Variants in MTRF1L observed in about 807,000 individuals in gnomAD.
MTRF1L encodes mitochondrial translation release factor 1 like, also known as peptide chain release factor 1-like, mitochondrial.
In MTRF1L, 29 loss-of-function variants were observed where a neutral mutation model predicts 40.0. That is an observed-to-expected ratio of 0.73 (90% CI 0.54 to 0.99). MTRF1L has a LOEUF of 0.99. MTRF1L is among the 50% of genes least tolerant of loss of function. The pLI, the probability that MTRF1L is intolerant of heterozygous loss-of-function variation, is 0.00. For synonymous variants in MTRF1L, 150 were observed against 175.8 expected (o/e 0.85, Z 1.16); for missense variants, 412 against 464.5 (o/e 0.89, Z 1.04).
At chr6:152,996,818 G>C (rs1394001544) in intron 2 of MTRF1L, among the ~76,000 whole-genome samples, 1 of 152,160 alleles carries the variant, frequency 6.6e-6, no homozygotes, top group African/African-American at 2.4e-5. Flanking sequence ...AATAGTGTCA[G>C]AGATGCAAAA....
chr6:153,001,468 C>T (rs1778914718), intron 1 of MTRF1L, among the ~76,000 whole-genome samples: 1 of 152,142 alleles, frequency 6.6e-6, no homozygotes, highest in African/African-American at 2.4e-5. Flanking sequence ...ATTTTTTCTC[C>T]TAGACTAGTA....
chr6:153,002,682 G>A lies in MTRF1L; in HGVS notation c.4C>T (p.Arg2Trp), dbSNP rs1176851669. 4.0e-6 allele frequency: 6 copies of A among 1,485,292 alleles called. No individual in the cohort carries two copies. In the South Asian group the frequency reaches 5.5e-5, roughly 14 times the overall value. 92.0% of individuals were successfully genotyped at this position (1,485,292 alleles called of 1,614,324 possible). Residue 2 changes from arginine to tryptophan, a missense_variant, in exon 1 of 7, where the codon CGG (arginine) becomes TGG (tryptophan). By Grantham distance (101) the Arg-to-Trp change is moderately radical. Coordinates refer to ENST00000367233, the MANE Select transcript of MTRF1L (RefSeq NM_019041.7). Reference sequence around the variant, plus strand: ...GCAGCGCCCCACAGAACCCGGGACCGCATCCTTAGTCCGAGATCGCGGACC... The same window carrying A: ...GCAGCGCCCCACAGAACCCGGGACCACATCCTTAGTCCGAGATCGCGGACC... Reference protein sequence around the residue: MRSRVLWGAARW... With the variant: MWSRVLWGAARW...
At chr6:152,993,728 A>T (rs745587353) in intron 4 of MTRF1L, among the ~76,000 whole-genome samples, 2 of 152,176 alleles carry the variant, frequency 1.3e-5, no homozygotes, top group Non-Finnish European at 2.9e-5. Flanking sequence ...GTTAAACATA[A>T]GTGACTAGGT....
chr6:152,993,038 G>A (rs767667504), intron 4 of MTRF1L, 64 bp from the exon 5 acceptor site: 29 of 1,233,260 alleles, frequency 2.4e-5, no homozygotes, highest in African/African-American at 4.5e-5. Context: ...AGGCAAGAGC[G>A]ACCCATTTAT....
At chr6:152,991,791 C>A (rs948274153) in intron 5 of MTRF1L, among the ~76,000 whole-genome samples, 2 of 152,126 alleles carry the variant, frequency 1.3e-5, no homozygotes, top group African/African-American at 4.8e-5. Flanking sequence ...CCTCGTGATC[C>A]GCCTGCCTTG....
At chr6:152,991,087 G>C in intron 6 of MTRF1L, 98 bp downstream of exon 6, 1 of 713,914 alleles carries the variant, frequency 1.4e-6, no homozygotes, top group Non-Finnish European at 2.1e-6. Context: ...TTCAACACAG[G>C]TTAAAACAAA....
rs187142891 is a variant in MTRF1L, at chr6:153,002,668, C to G, written c.18G>C (p.Leu6=). 3.1e-4 allele frequency: 462 copies of G among 1,499,508 alleles called. 1 individual carries two copies. The African/African-American group carries it at 6.1e-3, about 20-fold the overall frequency. 92.9% of individuals were successfully genotyped at this position (1,499,508 alleles called of 1,614,324 possible). The change falls in exon 1 of 7, where the codon CTG becomes CTC. Residue 6 remains leucine, a synonymous_variant. Transcript: ENST00000367233. ...GCCAGAGCCACCGGGCAGCGCCCCA[C>G]AGAACCCGGGACCGCATCCTTAGTC... The part of the protein sequence containing the change: MRSRV[L]WGAARWLWPR...
chr6:152,993,083 G>T (rs1239512012), intron 4 of MTRF1L, 109 bp from the exon 5 acceptor site: 2 of 828,700 alleles, frequency 2.4e-6, no homozygotes, highest in South Asian at 3.2e-5. Context: ...ATATATTTGG[G>T]AGGTTTAATT....
At position 152,988,524 on chromosome 6, in the gene MTRF1L, T is replaced by C; in HGVS notation, c.*1371A>G. 1 of 56,640 alleles carries C rather than the reference T, an allele frequency of 1.8e-5. No homozygotes were observed. Among genetic ancestry groups the C allele is most frequent in the Non-Finnish European group, 2.9e-5 (1 of 34,354 alleles). 3.5% of individuals were successfully genotyped at this position (56,640 alleles called of 1,614,324 possible). A position where few individuals can be genotyped will look rare whatever the true frequency, so the allele number is the denominator to read the frequency against. ...TAGCTACTGGGTCATACTTTTTTTT[T>C]TTTTTTTTTTGAGATTTAACTTTTG... On this transcript the variant is annotated 3_prime_UTR_variant, in exon 7 of 7. Transcript: ENST00000367233.
Position 152,989,894 on chromosome 6 carries a change from C to T in MTRF1L, c.*1G>A, listed in dbSNP as rs201908588. On this transcript the variant is annotated 3_prime_UTR_variant, in exon 7 of 7. Coordinates refer to ENST00000367233, the MANE Select transcript of MTRF1L (RefSeq NM_019041.7). ...CGAAAGTCTATAAATAACAAATCAA[C>T]TTAAACTTTTTGGGAAATAATTTCT... 4.4e-6 allele frequency: 7 copies of T among 1,608,622 alleles called. No homozygotes were observed. Among genetic ancestry groups the T allele is most frequent in the Non-Finnish European group, 4.2e-6 (5 of 1,178,550 alleles).
intron 1 of MTRF1L, among the ~76,000 whole-genome samples, chr6:153,000,584 G>A (rs577852902): frequency 2.0e-5 from 3 of 152,302 alleles, no homozygotes; most frequent in Admixed American, 6.5e-5. Flanking sequence ...CTATAAAGAT[G>A]TTTATGGTTT....
Position 153,002,505 on chromosome 6 carries a change from T to A in MTRF1L, c.181A>T (p.Arg61Trp), listed in dbSNP as rs766144763. The A allele has an allele frequency of 1.3e-5, 21 of 1,612,926 alleles. No homozygotes were observed. ...AGSEAHLKVR[R>W]PELLAVIKLL... ...TTGATCACCGCCAGCAACTCGGGCC[T>A]CCTGACCTTCAAATGGGCTTCAGAC... Residue 61 changes from arginine (R) to tryptophan (W), a missense_variant, in exon 1 of 7, where the codon AGG (arginine) becomes TGG (tryptophan). Transcript: ENST00000367233.
intron 1 of MTRF1L, among the ~76,000 whole-genome samples, chr6:152,999,851 T>C (rs2038334): frequency 0.22 from 32,919 of 152,082 alleles, 3,689 homozygotes; most frequent in Admixed American, 0.3. Flanking sequence ...TTATCAGCAG[T>C]GTGAAAACAG....
intron 1 of MTRF1L, among the ~76,000 whole-genome samples, chr6:153,000,196 T>C (rs1317240028): frequency 5.9e-5 from 9 of 152,140 alleles, no homozygotes; most frequent in African/African-American, 2.2e-4. Flanking sequence ...ATCTCTAAGG[T>C]GCCTTTCAGT....
intron 1 of MTRF1L, among the ~76,000 whole-genome samples, chr6:153,002,064 A>G (rs79534099): frequency 0.01 from 1,567 of 152,330 alleles, 19 homozygotes; most frequent in African/African-American, 0.035. Context: ...TAAGTCTGCT[A>G]TTAACAAGCA....
intron 5 of MTRF1L, 35 bp downstream of exon 5, chr6:152,992,822 C>A: frequency 2.0e-6 from 3 of 1,495,002 alleles, no homozygotes; most frequent in Middle Eastern, 2.4e-4. Context: ...AAATTGATTT[C>A]TTTGGTGTCA....
At chr6:152,998,850 AT>A (rs1170627570) in intron 1 of MTRF1L, 18 of 284,036 alleles carry the variant, frequency 6.3e-5, no homozygotes, top group East Asian at 3.2e-4. Flanking sequence ...TAAGTATAAA[AT>A]TTTTTTTCTG....
intron 2 of MTRF1L, among the ~76,000 whole-genome samples, chr6:152,998,101 CTT>C (rs1778776430): frequency 6.9e-6 from 1 of 144,544 alleles, no homozygotes; most frequent in Admixed American, 7.1e-5. Context: ...TTTCCACAAA[CTT>C]TTGAAGTCCT....
chr6:153,002,039 T>C (rs763628270), intron 1 of MTRF1L, among the ~76,000 whole-genome samples: 8 of 152,230 alleles, frequency 5.3e-5, no homozygotes, highest in Non-Finnish European at 7.3e-5. Context: ...CGTATAGGTC[T>C]GAGATTCTGA....
Sources: allele counts gnomAD v4.1 joint callset (sites outside exome capture counted in the v4.1 genomes callset), GRCh38; gene constraint gnomAD v4.1.1; transcripts MANE v1.5; gene names NCBI Gene and HGNC (gene_info 2026-07-23, HGNC 2026-07-21).